The following ADAM22 variants were observed in gnomAD, a reference collection of about 807,000 sequenced individuals.
ADAM22 encodes the protein disintegrin and metalloproteinase domain-containing protein 22.
A neutral mutation model predicts 144.6 loss-of-function variants in ADAM22; 65 were observed. The observed-to-expected ratio is 0.45, with a 90% CI of 0.37 to 0.55. The LOEUF (loss-of-function observed/expected upper bound fraction) is 0.55. Ranked by LOEUF, ADAM22 falls within the 20% of genes least tolerant of loss-of-function variation. ADAM22 has a pLI of 0.00. For missense variants in ADAM22, 974 were observed against 1,184.9 expected, an observed-to-expected ratio of 0.82 and a Z score of 2.61; for synonymous variants, 391 against 412.6, an observed-to-expected ratio of 0.95 and a Z score of 0.63.
At chr7:88,184,340 C>T in intron 29 of ADAM22, 2 of 442,078 alleles carry the variant, frequency 4.5e-6, no homozygotes, top group South Asian at 1.6e-5. Context: ...CCCAGACAGT[C>T]CCATCCCAAG....
intron 3 of ADAM22, among the ~76,000 whole-genome samples, chr7:88,019,855 ATATGTGTGTGTGTG>A (rs1797357883): frequency 7.6e-6 from 1 of 132,368 alleles, no homozygotes; most frequent in African/African-American, 3.1e-5. Context: ...ATCTCAAAAA[ATATGTGTGTGTGTG>A]TGTGTGTGTG....
intron 3 of ADAM22, among the ~76,000 whole-genome samples, chr7:87,997,863 A>G (rs1391486903): frequency 6.6e-6 from 1 of 152,224 alleles, no homozygotes; most frequent in Non-Finnish European, 1.5e-5. Flanking sequence ...AGAGTTTATT[A>G]AGGAGTATTG....
At chr7:88,182,510 A>G (rs561084272) in intron 29 of ADAM22, among the ~76,000 whole-genome samples, 6 of 152,314 alleles carry the variant, frequency 3.9e-5, no homozygotes, top group Middle Eastern at 3.4e-3. Context: ...GACTAATGGA[A>G]TAAGTTTCCC....
At chr7:87,988,048 G>A (rs1252583104) in intron 3 of ADAM22, among the ~76,000 whole-genome samples, 1 of 152,094 alleles carries the variant, frequency 6.6e-6, no homozygotes, top group Non-Finnish European at 1.5e-5. Flanking sequence ...CTATAATGGT[G>A]CAGAAGTGAT....
In ADAM22 at chr7:88,121,743, C is replaced by T. The variant is rs548375524; in HGVS notation, c.608-3846C>T. 7.2e-5 allele frequency among the ~76,000 whole-genome samples: 11 copies of T among 152,210 alleles called. No individual in the cohort carries two copies. The South Asian group carries it at 1.0e-3, about 14-fold the overall frequency. On this transcript the variant is annotated intron_variant, in intron 7 of 31. Coordinates refer to ENST00000413139, the MANE Select transcript of ADAM22 (RefSeq NM_001324418.2). Reference sequence around the variant, plus strand: ...AGAGAATGAGACAGTATGCCTAAGACGGAAGCCACAGTCTTTTTGTTAACC... The same window carrying T: ...AGAGAATGAGACAGTATGCCTAAGATGGAAGCCACAGTCTTTTTGTTAACC...
intron 23 of ADAM22, 69 bp from the exon 24 acceptor site, chr7:88,165,763 T>G: frequency 9.6e-7 from 1 of 1,039,752 alleles, no homozygotes; most frequent in Non-Finnish European, 1.4e-6. Flanking sequence ...TAATAAGAAA[T>G]TAGTGTTTAT....
chr7:88,040,485 T>C (rs1431639361), intron 3 of ADAM22, among the ~76,000 whole-genome samples: 1 of 152,086 alleles, frequency 6.6e-6, no homozygotes, highest in Admixed American at 6.5e-5. Flanking sequence ...TCAGGTCTTC[T>C]AGATTTTCAC....
intron 7 of ADAM22, among the ~76,000 whole-genome samples, chr7:88,123,306 T>C (rs980266316): frequency 7.2e-5 from 11 of 152,056 alleles, no homozygotes; most frequent in Admixed American, 2.0e-4. Context: ...TTTTTTTTTC[T>C]AAGTTGGTGT....
chr7:87,966,400 G>C (rs935952784), intron 2 of ADAM22, among the ~76,000 whole-genome samples: 2 of 152,148 alleles, frequency 1.3e-5, no homozygotes, highest in Non-Finnish European at 2.9e-5. Context: ...GCATTTTCTT[G>C]TTCAGGCCTT....
At chr7:88,042,676 A>G (rs976182177) in intron 3 of ADAM22, among the ~76,000 whole-genome samples, 8 of 151,870 alleles carry the variant, frequency 5.3e-5, no homozygotes, top group Admixed American at 1.3e-4. Context: ...TTTGTGGCTC[A>G]GTTAGTAATT....
intron 14 of ADAM22, among the ~76,000 whole-genome samples, chr7:88,139,323 C>A (rs1378590056): frequency 6.6e-6 from 1 of 151,954 alleles, no homozygotes; most frequent in Non-Finnish European, 1.5e-5. Context: ...GAGGCTGAGG[C>A]AGGAAAATTG....
At chr7:88,015,876 A>G (rs1157039563) in intron 3 of ADAM22, among the ~76,000 whole-genome samples, 1 of 152,038 alleles carries the variant, frequency 6.6e-6, no homozygotes, top group African/African-American at 2.4e-5. Context: ...TTATGTATTT[A>G]CATTTTTTAG....
intron 2 of ADAM22, among the ~76,000 whole-genome samples, chr7:87,943,870 G>A (rs553227313): frequency 1.2e-3 from 186 of 152,202 alleles, no homozygotes; most frequent in African/African-American, 4.3e-3. Flanking sequence ...ATTTAATTTT[G>A]TACTAGGGGA....
chr7:88,150,925 A>G, intron 18 of ADAM22, 56 bp from the exon 19 acceptor site: 1 of 1,386,834 alleles, frequency 7.2e-7, no homozygotes, highest in Non-Finnish European at 1.0e-6. Flanking sequence ...TAAAGGGTTT[A>G]GCTCAGCCTT....
At chr7:88,020,415 A>G (rs916348409) in intron 3 of ADAM22, among the ~76,000 whole-genome samples, 6 of 151,992 alleles carry the variant, frequency 3.9e-5, no homozygotes, top group Non-Finnish European at 8.8e-5. Flanking sequence ...ATGTGACAAT[A>G]CTCCACAGGG....
chr7:87,943,245 A>G (rs1195407437), intron 2 of ADAM22, among the ~76,000 whole-genome samples: 1 of 151,296 alleles, frequency 6.6e-6, no homozygotes, highest in African/African-American at 2.4e-5. Flanking sequence ...TCTCATTATG[A>G]GGTAGATACT....
At chr7:87,963,486 C>G (rs1004490010) in intron 2 of ADAM22, among the ~76,000 whole-genome samples, 1 of 152,148 alleles carries the variant, frequency 6.6e-6, no homozygotes, top group Non-Finnish European at 1.5e-5. Context: ...CTGTGCCTGG[C>G]CTTTTTCCTT....
At chr7:87,942,452 A>G (rs12019344) in intron 2 of ADAM22, among the ~76,000 whole-genome samples, 2,779 of 152,218 alleles carry the variant, frequency 0.018, 91 homozygotes, top group African/African-American at 0.063. Context: ...CTTAACTACT[A>G]TGCTAGACTG....
At chr7:88,068,627 T>C (rs998250204) in intron 3 of ADAM22, among the ~76,000 whole-genome samples, 4 of 152,198 alleles carry the variant, frequency 2.6e-5, no homozygotes, top group African/African-American at 9.7e-5. Flanking sequence ...ACAGTGTATA[T>C]TGTTTTGCAC....
Sources: gnomAD v4.1 joint callset for allele counts (sites outside exome capture counted in the v4.1 genomes callset) on GRCh38, gnomAD v4.1.1 for gene constraint, MANE v1.5 for transcripts, NCBI Gene and HGNC (gene_info 2026-07-23, HGNC 2026-07-21) for gene names.